Variants in SORCS1 observed in about 807,000 individuals in gnomAD.
The protein encoded by SORCS1 is sortilin related VPS10 domain containing receptor 1, also known as VPS10 domain-containing receptor SorCS1.
A neutral mutation model predicts 146.1 loss-of-function variants in SORCS1; 60 were observed. That is an observed-to-expected ratio of 0.41 (90% CI 0.33 to 0.51). The LOEUF (loss-of-function observed/expected upper bound fraction) is 0.51. Among genes scored for constraint, SORCS1 ranks in the 20% least tolerant of loss-of-function variants. SORCS1 has a pLI of 0.21. For synonymous variants in SORCS1, 637 were observed against 584.0 expected, an observed-to-expected ratio of 1.09 and a Z score of -1.31; for missense variants, 1,352 against 1,487.6, an observed-to-expected ratio of 0.91 and a Z score of 1.50.
intron 9 of SORCS1, among the ~76,000 whole-genome samples, chr10:106,696,688 C>T (rs1853729586): frequency 6.6e-6 from 1 of 152,156 alleles, no homozygotes; most frequent in Admixed American, 6.6e-5. Flanking sequence ...CCAGAGGTCG[C>T]CTTGTTTCCT....
rs889256203 is a variant in SORCS1, at chr10:106,688,215, C to T, written c.1537G>A (p.Gly513Arg). 6.2e-7 allele frequency: 1 copy of T among 1,613,972 alleles called. No individual in the cohort carries two copies. Among genetic ancestry groups the T allele is most frequent in the Non-Finnish European group, 8.5e-7 (1 of 1,179,870 alleles). Residue 513 changes from glycine (G) to arginine (R), a missense_variant, in exon 10 of 26, where the codon GGG becomes AGG. Physicochemically the swap from Gly to Arg is moderately radical, Grantham distance 125. Around this residue, in one of 3 missense-constraint regions of SORCS1, gnomAD observed 648 missense variants for 793.8 expected, o/e 0.82. Coordinates refer to ENST00000263054, the MANE Select transcript of SORCS1 (RefSeq NM_052918.5). Reference protein sequence around the residue: ...LLQAPDTDLRGDPVHCLLPYC... With the variant: ...LLQAPDTDLRRDPVHCLLPYC... ...ACCAGCAAGCAGTGCACGGGGTCCC[C>T]CCTTAGATCCGTGTCCGGCGCCTGC...
At chr10:107,177,688 C>T in the SORCS1 span, among the ~76,000 whole-genome samples, 1 of 152,178 alleles carries the variant, frequency 6.6e-6, no homozygotes, top group Non-Finnish European at 1.5e-5. Context: ...ATGATCAAAT[C>T]AGCGCATTTA....
At chr10:106,833,769 A>C (rs1354100071) in intron 2 of SORCS1, among the ~76,000 whole-genome samples, 1 of 148,260 alleles carries the variant, frequency 6.7e-6, no homozygotes, top group Non-Finnish European at 1.5e-5. Flanking sequence ...CATGGAAGGC[A>C]ATTTCTTTCT....
intron 3 of SORCS1, among the ~76,000 whole-genome samples, chr10:106,808,812 C>T (rs1947317530): frequency 6.6e-6 from 1 of 152,144 alleles, no homozygotes; most frequent in African/African-American, 2.4e-5. Flanking sequence ...ATATGTAAAG[C>T]AAAGTTTCTG....
chr10:106,925,705 C>T (rs1271143860), intron 2 of SORCS1, among the ~76,000 whole-genome samples: 4 of 152,196 alleles, frequency 2.6e-5, no homozygotes, highest in Non-Finnish European at 5.9e-5. Flanking sequence ...CATATCATTA[C>T]TTCAAGTATA....
Position 106,610,287 on chromosome 10 carries a change from C to G in SORCS1, c.3033+1624G>C, listed in dbSNP as rs535937103. ...GAAACCACAAAAATCAAGATTCAAACCTTGATGGTTTGACTCCAGAATCTG... is the reference window on the plus strand; with the variant it reads ...GAAACCACAAAAATCAAGATTCAAAGCTTGATGGTTTGACTCCAGAATCTG... On this transcript the variant is annotated intron_variant, in intron 22 of 25. Transcript: ENST00000263054. 6.6e-5 allele frequency among the ~76,000 whole-genome samples: 10 copies of G among 152,054 alleles called. No individual in the cohort carries two copies. In the East Asian group the frequency reaches 1.9e-3, roughly 30 times the overall value.
At chr10:106,580,552 T>C (rs572848994) in intron 24 of SORCS1, among the ~76,000 whole-genome samples, 1 of 152,338 alleles carries the variant, frequency 6.6e-6, no homozygotes, top group African/African-American at 2.4e-5. Flanking sequence ...AGGGAAGCCT[T>C]GGTGCTGACC....
rs185701089 is a variant in SORCS1, at chr10:107,030,740, G to A, written c.559-74160C>T. Among the ~76,000 whole-genome samples, 329 of 152,242 alleles carry A rather than the reference G, an allele frequency of 2.2e-3. 2 individuals are homozygous for A. Among genetic ancestry groups the A allele is most frequent in the Non-Finnish European group, 3.8e-3 (260 of 68,024 alleles). ...GCAGGCCTCATTTTTACATTATGCCGAGTTTAAAACTGAAAAGATTTTTTA... is the reference window on the plus strand; with the variant it reads ...GCAGGCCTCATTTTTACATTATGCCAAGTTTAAAACTGAAAAGATTTTTTA... On this transcript the variant is annotated intron_variant, in intron 1 of 25. Transcript: ENST00000263054.
At chr10:106,918,512 TACATACCCTC>T (rs1461170126) in intron 2 of SORCS1, among the ~76,000 whole-genome samples, 1 of 152,034 alleles carries the variant, frequency 6.6e-6, no homozygotes, top group African/African-American at 2.4e-5. Context: ...TGTCATTTGC[TACATACCCTC>T]ACATACAATG....
intron 1 of SORCS1, among the ~76,000 whole-genome samples, chr10:107,139,228 T>G (rs79536286): frequency 6.6e-6 from 1 of 152,206 alleles, no homozygotes; most frequent in Non-Finnish European, 1.5e-5. Flanking sequence ...AAGTCACTAG[T>G]CTTGGAAAGC....
chr10:106,896,596 T>C (rs958856017), intron 2 of SORCS1, among the ~76,000 whole-genome samples: 5 of 151,864 alleles, frequency 3.3e-5, no homozygotes, highest in African/African-American at 7.3e-5. Context: ...CACTAGTGAA[T>C]TGTACAGTTA....
At chr10:107,090,670 G>A (rs1267397092) in intron 1 of SORCS1, among the ~76,000 whole-genome samples, 1 of 152,152 alleles carries the variant, frequency 6.6e-6, no homozygotes, top group Non-Finnish European at 1.5e-5. Flanking sequence ...GCTTAGCTGG[G>A]GTTGGGAGAT....
chr10:106,799,086 A>T (rs1946736555), intron 3 of SORCS1, among the ~76,000 whole-genome samples: 1 of 152,176 alleles, frequency 6.6e-6, no homozygotes, highest in Non-Finnish European at 1.5e-5. Flanking sequence ...CACATCCACA[A>T]CCATCTGATC....
At chr10:106,736,990 C>T (rs948207794) in intron 5 of SORCS1, among the ~76,000 whole-genome samples, 16 of 152,164 alleles carry the variant, frequency 1.1e-4, no homozygotes, top group African/African-American at 2.6e-4. Flanking sequence ...ATCCTTACTC[C>T]CCAAGCCAGA....
chr10:107,096,261 C>G (rs982140878), intron 1 of SORCS1, among the ~76,000 whole-genome samples: 9 of 152,188 alleles, frequency 5.9e-5, no homozygotes, highest in South Asian at 2.1e-4. Flanking sequence ...GACGTTGAAG[C>G]CTTTGTGCTT....
At chr10:106,839,733 G>T (rs1031015304) in intron 2 of SORCS1, among the ~76,000 whole-genome samples, 1 of 152,214 alleles carries the variant, frequency 6.6e-6, no homozygotes, top group African/African-American at 2.4e-5. Context: ...GGGACAAGCT[G>T]ACTTTCTTGT....
chr10:107,057,626 C>T (rs1960773531), intron 1 of SORCS1, among the ~76,000 whole-genome samples: 1 of 152,188 alleles, frequency 6.6e-6, no homozygotes, highest in Non-Finnish European at 1.5e-5. Flanking sequence ...CTTTTCTCTC[C>T]CTCTTTCCTG....
chr10:106,626,412 C>T (rs777945157), intron 19 of SORCS1, among the ~76,000 whole-genome samples: 2 of 152,106 alleles, frequency 1.3e-5, no homozygotes, highest in Non-Finnish European at 2.9e-5. Flanking sequence ...GGAGTTTGAA[C>T]CAAAATCTGG....
chr10:106,934,395 C>T (rs149623130), intron 2 of SORCS1, among the ~76,000 whole-genome samples: 10,266 of 151,842 alleles, frequency 0.068, 986 homozygotes, highest in African/African-American at 0.21. Context: ...GTAGTTGGGA[C>T]TACAGGCGCC....
Sources: allele counts gnomAD v4.1 joint callset (sites outside exome capture counted in the v4.1 genomes callset), GRCh38; gene constraint gnomAD v4.1.1; regional missense constraint gnomAD v4.1.1; transcripts MANE v1.5; gene names NCBI Gene and HGNC (gene_info 2026-07-23, HGNC 2026-07-21).